The following FRMD3 variants were observed in gnomAD, a reference collection of about 807,000 sequenced individuals.
FRMD3 encodes FERM domain-containing protein 3.
A neutral mutation model predicts 70.2 loss-of-function variants in FRMD3; 33 were observed. The ratio of observed to expected loss-of-function variants is 0.47; its 90% CI spans 0.36 to 0.63. FRMD3 has a LOEUF of 0.63. Among genes scored for constraint, FRMD3 ranks in the 20% least tolerant of loss-of-function variants. The pLI is 0.00. For missense variants in FRMD3, 632 were observed against 711.4 expected (o/e 0.89, Z 1.27); for synonymous variants, 279 against 255.9 (o/e 1.09, Z -0.86).
At chr9:83,368,164 C>G (rs1171748745) in intron 3 of FRMD3, among the ~76,000 whole-genome samples, 2 of 152,126 alleles carry the variant, frequency 1.3e-5, no homozygotes, top group Non-Finnish European at 2.9e-5. Context: ...AGTGATGTCA[C>G]CACAAAGGCA....
intron 12 of FRMD3, chr9:83,297,802 T>G (rs1834734978): frequency 2.1e-6 from 1 of 471,678 alleles, no homozygotes; most frequent in Non-Finnish European, 4.4e-6. Context: ...GGAACAAATT[T>G]TCTTCTGTAC....
intron 5 of FRMD3, among the ~76,000 whole-genome samples, chr9:83,338,917 C>A (rs1399798717): frequency 6.6e-6 from 1 of 151,948 alleles, no homozygotes; most frequent in Non-Finnish European, 1.5e-5. Flanking sequence ...CACGCTTGTG[C>A]CCCTGTGAGC....
chr9:83,579,456 T>C, the FRMD3 span, among the ~76,000 whole-genome samples: 2 of 151,896 alleles, frequency 1.3e-5, no homozygotes, highest in Admixed American at 6.6e-5. Flanking sequence ...CGGAAGAGAA[T>C]AGAAAGACTG....
chr9:83,363,652 T>C (rs1432398814), intron 3 of FRMD3, among the ~76,000 whole-genome samples: 1 of 148,234 alleles, frequency 6.7e-6, no homozygotes, highest in Admixed American at 7.0e-5. Context: ...CCCCCGGGGT[T>C]CACGCCATTC....
chr9:83,522,588 G>T (rs1307098712), intron 1 of FRMD3, among the ~76,000 whole-genome samples: 1 of 144,824 alleles, frequency 6.9e-6, no homozygotes, highest in African/African-American at 2.6e-5. Flanking sequence ...TTTTGAGATG[G>T]AGTCTTGTTC....
intron 6 of FRMD3, among the ~76,000 whole-genome samples, chr9:83,330,356 A>G (rs918405822): frequency 6.6e-6 from 1 of 151,120 alleles, no homozygotes; most frequent in Non-Finnish European, 1.5e-5. Context: ...ACAGAGGACC[A>G]TCAAGTCCTC....
chr9:83,361,330 C>T (rs1262194823), intron 3 of FRMD3, among the ~76,000 whole-genome samples: 9 of 152,182 alleles, frequency 5.9e-5, no homozygotes, highest in African/African-American at 2.2e-4. Context: ...ACATGCATAA[C>T]ATTTTATACA....
chr9:83,438,985 C>T (rs1337738386), intron 1 of FRMD3, among the ~76,000 whole-genome samples: 1 of 152,166 alleles, frequency 6.6e-6, no homozygotes, highest in Non-Finnish European at 1.5e-5. Context: ...ACCCTCACCT[C>T]TTTTGCAGGA....
At chr9:83,528,484 G>GT (rs557841663) in intron 1 of FRMD3, among the ~76,000 whole-genome samples, 65 of 151,484 alleles carry the variant, frequency 4.3e-4, no homozygotes, top group African/African-American at 1.4e-3. Context: ...GTTTGGGTTT[G>GT]TTTTTTTTAA....
At chr9:83,535,817 G>C (rs895590619) in intron 1 of FRMD3, among the ~76,000 whole-genome samples, 4 of 152,000 alleles carry the variant, frequency 2.6e-5, no homozygotes, top group Non-Finnish European at 5.9e-5. Flanking sequence ...GTGACATTCT[G>C]TGACAATATA....
chr9:83,309,254 T>A (rs1456871482), intron 10 of FRMD3, among the ~76,000 whole-genome samples: 1 of 129,708 alleles, frequency 7.7e-6, no homozygotes, highest in Non-Finnish European at 1.6e-5. Flanking sequence ...AATAGCTATT[T>A]GAAATACACA....
chr9:83,508,119 A>C (rs1587495500), intron 1 of FRMD3, among the ~76,000 whole-genome samples: 1 of 152,320 alleles, frequency 6.6e-6, no homozygotes, highest in East Asian at 1.9e-4. Flanking sequence ...GAATCTCACC[A>C]ATATAATGCT....
chr9:83,398,998 A>G (rs1473782854), intron 1 of FRMD3, among the ~76,000 whole-genome samples: 2 of 152,164 alleles, frequency 1.3e-5, no homozygotes, highest in African/African-American at 2.4e-5. Flanking sequence ...TGAAAACCCA[A>G]CTGCTTATCT....
intron 1 of FRMD3, among the ~76,000 whole-genome samples, chr9:83,503,453 A>G (rs1458216003): frequency 6.6e-6 from 1 of 152,200 alleles, no homozygotes; most frequent in East Asian, 1.9e-4. Flanking sequence ...TACAACTGCA[A>G]AGAACTGAAT....
At chr9:83,543,773 C>T in the FRMD3 span, among the ~76,000 whole-genome samples, 68 of 152,358 alleles carry the variant, frequency 4.5e-4, no homozygotes, top group African/African-American at 1.6e-3. Context: ...GAGCTCCCCA[C>T]TTCTGTGCTG....
intron 1 of FRMD3, among the ~76,000 whole-genome samples, chr9:83,496,138 A>G (rs987845941): frequency 3.3e-5 from 5 of 152,242 alleles, no homozygotes; most frequent in Non-Finnish European, 7.3e-5. Flanking sequence ...ATCTAAAATT[A>G]TTATAAGTGA....
intron 1 of FRMD3, among the ~76,000 whole-genome samples, chr9:83,450,044 C>T (rs1241512734): frequency 6.6e-6 from 1 of 152,068 alleles, no homozygotes; most frequent in Non-Finnish European, 1.5e-5. Context: ...AAAGCCTAAG[C>T]TGAAATTTAA....
chr9:83,383,981 C>T (rs759605186), intron 2 of FRMD3, among the ~76,000 whole-genome samples: 4 of 152,150 alleles, frequency 2.6e-5, no homozygotes, highest in Non-Finnish European at 5.9e-5. Flanking sequence ...TGACAATTTC[C>T]CCAAATGCAT....
intron 1 of FRMD3, among the ~76,000 whole-genome samples, chr9:83,524,140 G>T (rs952637601): frequency 6.6e-6 from 1 of 152,204 alleles, no homozygotes; most frequent in East Asian, 1.9e-4. Flanking sequence ...ACCATGCTCT[G>T]CATTGCTAGA....
Sources: gnomAD v4.1 joint callset for allele counts (sites outside exome capture counted in the v4.1 genomes callset) on GRCh38, gnomAD v4.1.1 for gene constraint, MANE v1.5 for transcripts, NCBI Gene and HGNC (gene_info 2026-07-23, HGNC 2026-07-21) for gene names.